PCTP: variants seen among roughly 807,000 people sequenced by gnomAD.
PCTP encodes the protein START domain-containing protein 2.
Under a neutral mutation model 31.0 loss-of-function variants are expected in PCTP, and 27 were observed. The ratio of observed to expected loss-of-function variants is 0.87; its 90% confidence interval spans 0.64 to 1.20. PCTP has a LOEUF of 1.20. Ranked by LOEUF, PCTP falls within the 50% of genes most tolerant of loss-of-function variation. The pLI, the probability that PCTP is intolerant of heterozygous loss-of-function variation, is 0.00. For synonymous variants in PCTP, 108 were observed against 101.2 expected, an observed-to-expected ratio of 1.07 and a Z score of -0.40; for missense variants, 287 against 268.2, an observed-to-expected ratio of 1.07 and a Z score of -0.49.
intron 2 of PCTP, among the ~76,000 whole-genome samples, chr17:55,785,258 G>A (rs1432299461): frequency 1.3e-5 from 2 of 152,236 alleles, no homozygotes; most frequent in African/African-American, 2.4e-5. Context: ...ATGTGACAAG[G>A]CCTCTGGCCA....
intron 3 of PCTP, among the ~76,000 whole-genome samples, chr17:55,815,716 C>A (rs1371465348): frequency 6.6e-6 from 1 of 152,202 alleles, no homozygotes; most frequent in African/African-American, 2.4e-5. Context: ...TTGCTTGCAA[C>A]CAGCTATAAG....
chr17:55,811,405 T>C lies in PCTP; in HGVS notation c.318-11356T>C, dbSNP rs1254371448. ...ACCAACTATGCAGTATTTCCTATTG[T>C]CATTTTATTTTACATATGAGGAAAC... is the stretch of plus-strand genomic sequence containing the variant. On this transcript the variant is annotated intron_variant, in intron 3 of 3. Transcript: ENST00000572536. Among the ~76,000 whole-genome samples, 3 of 152,214 alleles carry C rather than the reference T, an allele frequency of 2.0e-5. No homozygotes were observed. In the East Asian group the frequency reaches 5.8e-4, roughly 29 times the overall value.
intron 3 of PCTP, among the ~76,000 whole-genome samples, chr17:55,799,783 C>G (rs1420264146): frequency 6.6e-6 from 1 of 152,088 alleles, no homozygotes; most frequent in Non-Finnish European, 1.5e-5. Flanking sequence ...GACAAAATCT[C>G]TCAGCATTTG....
At chr17:55,755,812 A>G (rs1415183270) in intron 1 of PCTP, among the ~76,000 whole-genome samples, 1 of 152,220 alleles carries the variant, frequency 6.6e-6, no homozygotes, top group Non-Finnish European at 1.5e-5. Context: ...GTTTTCACTT[A>G]TCCTTCTAAA....
chr17:55,844,888 G>A (rs1181757255), downstream of PCTP, among the ~76,000 whole-genome samples: 1 of 151,742 alleles, frequency 6.6e-6, no homozygotes, highest in Non-Finnish European at 1.5e-5. Context: ...CAGGATTGGA[G>A]ACCAGCCTGA....
chr17:55,829,520 G>A (rs1220137388), intron 5 of PCTP, among the ~76,000 whole-genome samples: 2 of 152,082 alleles, frequency 1.3e-5, no homozygotes, highest in Non-Finnish European at 2.9e-5. Context: ...CCTGACTTCA[G>A]GCTGATCTCA....
intron 3 of PCTP, among the ~76,000 whole-genome samples, chr17:55,790,068 A>G (rs2145002859): frequency 6.6e-6 from 1 of 152,328 alleles, no homozygotes; most frequent in South Asian, 2.1e-4. Flanking sequence ...GATTATCTCA[A>G]TAGATGCAGA....
downstream of PCTP, among the ~76,000 whole-genome samples, chr17:55,824,127 C>T (rs535995973): frequency 1.2e-4 from 18 of 152,222 alleles, no homozygotes; most frequent in Non-Finnish European, 2.6e-4. Context: ...GAACTGCAAA[C>T]TTGATGTTCT....
chr17:55,801,919 A>T (rs1179945301), intron 3 of PCTP, among the ~76,000 whole-genome samples: 1 of 152,222 alleles, frequency 6.6e-6, no homozygotes, highest in East Asian at 1.9e-4. Context: ...AAATCAGTGA[A>T]TCCAGGAGCT....
Position 55,777,248 on chromosome 17 carries a change from TAATA to T in PCTP, c.*1150_*1153del, listed in dbSNP as rs1378352901. 1 of 985,456 alleles carries T rather than the reference TAATA, an allele frequency of 1.0e-6. No homozygotes were observed. Among genetic ancestry groups the T allele is most frequent in the Non-Finnish European group, 1.2e-6 (1 of 829,670 alleles). 61.0% of individuals were successfully genotyped at this position (985,456 alleles called of 1,614,324 possible). A position where few individuals can be genotyped will look rare whatever the true frequency, so the allele number is the denominator to read the frequency against. ...GTGTATAATGATACTGAACCTTGAT[TAATA>T]ACAGAAATTCAGGATGTAAAGCCAC... On this transcript the variant is annotated 3_prime_UTR_variant, in exon 6 of 6. Coordinates refer to ENST00000268896, the MANE Select transcript of PCTP (RefSeq NM_021213.4).
At position 55,775,468 on chromosome 17, in the gene PCTP, G is replaced by A. The variant is rs1057283443; in HGVS notation, c.580-567G>A. 11 of 1,222,838 alleles carry A rather than the reference G, an allele frequency of 9.0e-6. No individual in the cohort carries two copies. In the Admixed American group the frequency reaches 1.3e-4, roughly 14 times the overall value. The allele number at this position is 1,222,838 out of a possible 1,614,324, so 75.7% of individuals were successfully genotyped here. A position where few individuals can be genotyped will look rare whatever the true frequency, so the allele number is the denominator to read the frequency against. On this transcript the variant is annotated intron_variant, in intron 5 of 5. Coordinates refer to ENST00000268896, the MANE Select transcript of PCTP (RefSeq NM_021213.4). Reference sequence around the variant, plus strand: ...ACATCAACTTTGGAGTCAAACAGACGCAATTTCAAATCCTGGCTCTGCTAC... The same window carrying A: ...ACATCAACTTTGGAGTCAAACAGACACAATTTCAAATCCTGGCTCTGCTAC...
chr17:55,770,919 G>A (rs549874902), intron 2 of PCTP, 187 bp from the exon 3 acceptor site: 3 of 465,770 alleles, frequency 6.4e-6, no homozygotes, highest in Admixed American at 3.7e-5. Flanking sequence ...TATATATAGA[G>A]ATGGGGTTTC....
intron 3 of PCTP, among the ~76,000 whole-genome samples, chr17:55,817,640 T>C (rs1450234661): frequency 2.6e-5 from 4 of 152,220 alleles, no homozygotes; most frequent in Non-Finnish European, 5.9e-5. Flanking sequence ...AACTGATGAC[T>C]GTGAGTTGTC....
chr17:55,751,129 CGGA>C lies in PCTP; in HGVS notation c.31_33del (p.Glu11del). ...ATGGAGCTGGCCGCCGGAAGCTTCT[CGGA>C]GGAGCAGTTCTGGGAGGCCTGCGCC... is the stretch of plus-strand genomic sequence containing the variant. On this transcript the variant is annotated inframe_deletion, in exon 1 of 6. Transcript: ENST00000268896. 6.5e-7 allele frequency: 1 copy of C among 1,543,802 alleles called. No homozygotes were observed. The highest frequency in any genetic ancestry group is 8.7e-7 in the Non-Finnish European group (1 of 1,144,638).
chr17:55,790,523 G>A, intron 3 of PCTP, among the ~76,000 whole-genome samples: 1 of 145,186 alleles, frequency 6.9e-6, no homozygotes, highest in African/African-American at 2.6e-5. Context: ...GACAAACAGA[G>A]AGCCAAATCA....
At chr17:55,816,645 G>T (rs1214523992) in intron 3 of PCTP, among the ~76,000 whole-genome samples, 1 of 152,126 alleles carries the variant, frequency 6.6e-6, no homozygotes, top group Non-Finnish European at 1.5e-5. Context: ...CACAGACATG[G>T]CCCCCTGTAC....
chr17:55,800,832 T>C (rs1912351479), intron 3 of PCTP, among the ~76,000 whole-genome samples: 1 of 152,138 alleles, frequency 6.6e-6, no homozygotes, highest in Non-Finnish European at 1.5e-5. Flanking sequence ...TTTTTTTATG[T>C]TGATGCTATT....
At chr17:55,819,221 A>C (rs192725158) in intron 3 of PCTP, among the ~76,000 whole-genome samples, 1 of 152,224 alleles carries the variant, frequency 6.6e-6, no homozygotes, top group African/African-American at 2.4e-5. Flanking sequence ...AAAGGCTAAA[A>C]GCTTTCCCCC....
At chr17:55,829,822 G>A (rs1227386599) in intron 5 of PCTP, among the ~76,000 whole-genome samples, 2 of 152,064 alleles carry the variant, frequency 1.3e-5, no homozygotes, top group East Asian at 3.9e-4. Context: ...TTGGTTATAG[G>A]TATCAGACAA....
Sources: allele counts gnomAD v4.1 joint callset (sites outside exome capture counted in the v4.1 genomes callset), GRCh38; gene constraint gnomAD v4.1.1; transcripts MANE v1.5; gene names NCBI Gene and HGNC (gene_info 2026-07-23, HGNC 2026-07-21).